The following PTPRZ1 variants were observed in gnomAD, a reference collection of about 807,000 sequenced individuals.
PTPRZ1 encodes receptor-type tyrosine-protein phosphatase zeta.
Under a neutral mutation model 214.1 loss-of-function variants are expected in PTPRZ1, and 82 were observed. The ratio of observed to expected loss-of-function variants is 0.38; its 90% confidence interval spans 0.32 to 0.46. PTPRZ1 has a LOEUF of 0.46. Ranked by LOEUF, PTPRZ1 falls within the 20% of genes least tolerant of loss-of-function variation. The pLI, the probability that PTPRZ1 is intolerant of heterozygous loss-of-function variation, is 1.00. For synonymous variants in PTPRZ1, 945 were observed against 987.9 expected (o/e 0.96, Z 0.81); for missense variants, 2,603 against 2,748.7 (o/e 0.95, Z 1.19).
At position 122,055,056 on chromosome 7, in the gene PTPRZ1, T is replaced by C. The variant is rs1183769785; in HGVS notation, c.6497T>C (p.Ile2166Thr). 3 of 1,596,644 alleles carry C rather than the reference T, an allele frequency of 1.9e-6. No homozygotes were observed. The highest frequency in any genetic ancestry group is 1.7e-4 in the Middle Eastern group (1 of 6,018). Residue 2166 changes from isoleucine to threonine, a missense_variant, in exon 27 of 30, where the codon ATA becomes ACA. Physicochemically the swap from Ile to Thr is moderately conservative, Grantham distance 89 (BLOSUM62 -1). This residue lies in a region of PTPRZ1 where 134 missense variants were observed against 183.3 expected (regional missense o/e 0.73). Coordinates refer to ENST00000393386, the MANE Select transcript of PTPRZ1 (RefSeq NM_002851.3). ...HKCLSNEEKL[I>T]IQDFILEATQ... ...TGTCTATCTAATGAGGAAAAACTTA[T>C]AATTCAGGACTTTATCTTAGAAGCT...
chr7:121,982,311 C>T (rs1471006907), intron 6 of PTPRZ1, among the ~76,000 whole-genome samples: 6 of 152,190 alleles, frequency 3.9e-5, no homozygotes, highest in Non-Finnish European at 5.9e-5. Context: ...GACAGCTCTT[C>T]CTATCTGGTA....
chr7:122,006,166 C>T (rs1180810176), intron 11 of PTPRZ1, among the ~76,000 whole-genome samples: 1 of 152,010 alleles, frequency 6.6e-6, no homozygotes, highest in African/African-American at 2.4e-5. Flanking sequence ...AATACTTCTA[C>T]ATATTTATGA....
At chr7:122,000,964 G>A (rs1204682662) in intron 10 of PTPRZ1, among the ~76,000 whole-genome samples, 2 of 151,812 alleles carry the variant, frequency 1.3e-5, no homozygotes, top group Admixed American at 1.3e-4. Context: ...GATCACAGGC[G>A]TGAGCCACCG....
At chr7:122,026,419 A>C (rs549604105) in intron 13 of PTPRZ1, among the ~76,000 whole-genome samples, 1 of 152,356 alleles carries the variant, frequency 6.6e-6, no homozygotes, top group Admixed American at 6.5e-5. Flanking sequence ...AGCATGTATC[A>C]AGTCCAGTGT....
intron 12 of PTPRZ1, among the ~76,000 whole-genome samples, chr7:122,014,625 A>G (rs915895031): frequency 3.9e-5 from 6 of 152,056 alleles, no homozygotes; most frequent in Non-Finnish European, 8.8e-5. Context: ...TTTTTAGTAA[A>G]GACGGGGTTT....
chr7:121,958,988 T>C (rs1308851065), intron 2 of PTPRZ1, among the ~76,000 whole-genome samples: 1 of 152,170 alleles, frequency 6.6e-6, no homozygotes, highest in Non-Finnish European at 1.5e-5. Context: ...CATGGCTGGC[T>C]AATTTTTTGT....
At chr7:122,034,052 G>T in intron 15 of PTPRZ1, 43 bp from the exon 16 acceptor site, 4 of 1,543,132 alleles carry the variant, frequency 2.6e-6, no homozygotes, top group Non-Finnish European at 3.6e-6. Flanking sequence ...GTGTGCTGTG[G>T]AATTTGATTT....
At chr7:121,976,645 T>G in intron 5 of PTPRZ1, 140 bp from the exon 6 acceptor site, 1 of 614,990 alleles carries the variant, frequency 1.6e-6, no homozygotes. Context: ...TGTTTTCACC[T>G]AGCTATAAAA....
chr7:122,013,487 T>TC lies in PTPRZ1; in HGVS notation c.4442dup (p.Glu1482Ter). On this transcript the variant is annotated frameshift_variant, in exon 12 of 30. Coordinates refer to ENST00000393386, the MANE Select transcript of PTPRZ1 (RefSeq NM_002851.3). LOFTEE classifies it high-confidence loss of function. Reference sequence around the variant, plus strand: ...AATCTCATACTCACTATCTGAGAATTCTGAAGAAGATAATAGAGTCACAAG... The same window carrying TC: ...AATCTCATACTCACTATCTGAGAATTCCTGAAGAAGATAATAGAGTCACAAG... The TC allele has an allele frequency of 6.2e-7, 1 of 1,614,106 alleles. No individual in the cohort carries two copies. Among genetic ancestry groups the TC allele is most frequent in the Non-Finnish European group, 8.5e-7 (1 of 1,180,016 alleles).
chr7:121,983,724 A>G lies in PTPRZ1; in HGVS notation c.679A>G (p.Lys227Glu). ...LLNLLPNSTD[K>E]YYIYNGSLTS... ...GAACCTTCTGCCAAACTCAACTGACAAGTATTACATTTACAATGGCTCATT... is the reference window on the plus strand; with the variant it reads ...GAACCTTCTGCCAAACTCAACTGACGAGTATTACATTTACAATGGCTCATT... The change falls in exon 7 of 30, where the codon AAG becomes GAG. Residue 227 changes from lysine to glutamate, a missense_variant. By Grantham distance (56) the Lys-to-Glu change is moderately conservative (BLOSUM62 1). Coordinates refer to ENST00000393386, the MANE Select transcript of PTPRZ1 (RefSeq NM_002851.3). 6.2e-7 allele frequency: 1 copy of G among 1,613,782 alleles called. No homozygotes were observed. The highest frequency in any genetic ancestry group is 8.5e-7 in the Non-Finnish European group (1 of 1,179,892).
chr7:121,954,312 C>T (rs1796643786), intron 2 of PTPRZ1, among the ~76,000 whole-genome samples: 1 of 152,114 alleles, frequency 6.6e-6, no homozygotes, highest in African/African-American at 2.4e-5. Context: ...ATGCAAAGCC[C>T]CCAAATTTTT....
chr7:121,961,446 T>G (rs1796874040), intron 2 of PTPRZ1, among the ~76,000 whole-genome samples: 1 of 152,246 alleles, frequency 6.6e-6, no homozygotes, highest in Non-Finnish European at 1.5e-5. Context: ...CTGTCCATCC[T>G]TCAAGGCCTG....
chr7:121,949,016 T>A (rs115490203), intron 2 of PTPRZ1, among the ~76,000 whole-genome samples: 36 of 152,254 alleles, frequency 2.4e-4, no homozygotes, highest in African/African-American at 8.4e-4. Flanking sequence ...GGTCCCGATG[T>A]GCCCAAGGTG....
chr7:121,967,995 A>T lies in PTPRZ1; in HGVS notation c.169A>T (p.Asn57Tyr), dbSNP rs776429093. The T allele has an allele frequency of 6.3e-7, 1 of 1,594,580 alleles. No homozygotes were observed. The highest frequency in any genetic ancestry group is 8.6e-7 in the Non-Finnish European group (1 of 1,165,074). ...KNWGKKYPTCNSPKQSPINID... is the reference protein window; with the variant it reads ...KNWGKKYPTCYSPKQSPINID... Reference sequence around the variant, plus strand: ...TTGGGGAAAGAAATATCCAACATGTAATAGCCCAAAACAATCTCCTATCAA... The same window carrying T: ...TTGGGGAAAGAAATATCCAACATGTTATAGCCCAAAACAATCTCCTATCAA... Residue 57 changes from asparagine to tyrosine, a missense_variant, in exon 3 of 30, where the codon AAT (asparagine) becomes TAT (tyrosine). Transcript: ENST00000393386.
chr7:121,944,646 A>AT (rs67672769), intron 2 of PTPRZ1, among the ~76,000 whole-genome samples: 47,657 of 150,516 alleles, frequency 0.32, 9,041 homozygotes, highest in Non-Finnish European at 0.4. Flanking sequence ...TACAGATTAC[A>AT]TTTTTTTTTT....
At chr7:121,875,529 T>C (rs1425234647) in intron 1 of PTPRZ1, among the ~76,000 whole-genome samples, 1 of 152,248 alleles carries the variant, frequency 6.6e-6, no homozygotes, top group East Asian at 1.9e-4. Context: ...TTTAAGTCTT[T>C]GGTGATGTAA....
intron 1 of PTPRZ1, among the ~76,000 whole-genome samples, chr7:121,886,256 G>A (rs559079265): frequency 2.0e-5 from 3 of 152,088 alleles, no homozygotes; most frequent in Non-Finnish European, 2.9e-5. Flanking sequence ...ATATTAATAT[G>A]TGCACATATA....
At chr7:122,023,497 A>T (rs1799088282) in intron 13 of PTPRZ1, among the ~76,000 whole-genome samples, 1 of 128,976 alleles carries the variant, frequency 7.8e-6, no homozygotes, top group African/African-American at 3.0e-5. Context: ...ATATATAATT[A>T]TATATATGTA....
At chr7:121,915,850 T>C (rs764724291) in intron 1 of PTPRZ1, among the ~76,000 whole-genome samples, 3 of 152,234 alleles carry the variant, frequency 2.0e-5, no homozygotes, top group Non-Finnish European at 2.9e-5. Context: ...TTCTATGATA[T>C]GTAAATTCCA....
Sources: gnomAD v4.1 joint callset for allele counts (sites outside exome capture counted in the v4.1 genomes callset) on GRCh38, gnomAD v4.1.1 for gene constraint, gnomAD v4.1.1 regional missense constraint, MANE v1.5 for transcripts, NCBI Gene and HGNC (gene_info 2026-07-23, HGNC 2026-07-21) for gene names.